Variants in C11orf65 observed in about 807,000 individuals in gnomAD.
The protein encoded by C11orf65 is chromosome 11 open reading frame 65.
In C11orf65, 38 loss-of-function variants were observed where a neutral mutation model predicts 35.3. That is an observed-to-expected ratio of 1.08 (90% confidence interval 0.83 to 1.41). The LOEUF (loss-of-function observed/expected upper bound fraction) is 1.41, where lower values mean the gene tolerates loss of function less well. C11orf65 is among the 40% of genes most tolerant of loss of function. The pLI is 0.00. For synonymous variants in C11orf65, 105 were observed against 114.4 expected (o/e 0.92, Z 0.53); for missense variants, 370 against 367.1 (o/e 1.01, Z -0.06).
intron 2 of C11orf65, among the ~76,000 whole-genome samples, chr11:108,354,082 C>T (rs1009528287): frequency 6.7e-6 from 1 of 150,298 alleles, no homozygotes; most frequent in African/African-American, 2.5e-5. Flanking sequence ...CACACACACA[C>T]ACACACACAC....
chr11:108,465,029 T>C (rs957667667), intron 1 of C11orf65, among the ~76,000 whole-genome samples: 28 of 152,186 alleles, frequency 1.8e-4, no homozygotes, highest in African/African-American at 5.8e-4. Flanking sequence ...TTTTAATACT[T>C]TCCAAGAACT....
intron 2 of C11orf65, among the ~76,000 whole-genome samples, chr11:108,460,844 G>A (rs2093465544): frequency 6.6e-6 from 1 of 152,016 alleles, no homozygotes; most frequent in African/African-American, 2.4e-5. Flanking sequence ...TTCTGCCTCA[G>A]CCTCCCGTGT....
At chr11:108,347,216 T>C in intron 2 of C11orf65, 1 of 1,234,560 alleles carries the variant, frequency 8.1e-7, no homozygotes, top group East Asian at 2.3e-5. Flanking sequence ...ATTGAAATTA[T>C]GGCTATATAT....
chr11:108,360,600 G>C (rs945502580), intron 2 of C11orf65, among the ~76,000 whole-genome samples: 2 of 149,210 alleles, frequency 1.3e-5, no homozygotes, highest in African/African-American at 5.0e-5. Context: ...TATCCACCAT[G>C]ATCCAGTGGG....
chr11:108,468,109 G>C (rs151261228), upstream of C11orf65, among the ~76,000 whole-genome samples: 2,141 of 152,272 alleles, frequency 0.014, 48 homozygotes, highest in Non-Finnish European at 0.014. Context: ...GCCTCCCAAA[G>C]TGCTAGGATT....
chr11:108,355,157 A>G (rs2089743890), intron 2 of C11orf65: 3 of 419,684 alleles, frequency 7.1e-6, no homozygotes, highest in East Asian at 4.5e-5. Flanking sequence ...GATATTCCAT[A>G]TGGTATTATT....
intron 2 of C11orf65, chr11:108,343,422 T>A (rs2136958781): frequency 6.2e-7 from 1 of 1,603,064 alleles, no homozygotes; most frequent in Non-Finnish European, 8.5e-7. Context: ...TAATGGCTTA[T>A]TAAAGCTGAC....
intron 2 of C11orf65, chr11:108,369,140 TTC>T: frequency 6.2e-6 from 1 of 160,516 alleles, no homozygotes; most frequent in East Asian, 1.5e-4. Flanking sequence ...TATTTGTGTG[TTC>T]TGTGTGCCAG....
At chr11:108,467,265 T>C (rs2135824641) in intron 1 of C11orf65, among the ~76,000 whole-genome samples, 1 of 152,120 alleles carries the variant, frequency 6.6e-6, no homozygotes, top group African/African-American at 2.4e-5. Flanking sequence ...AAGGGGTTAC[T>C]CCCGGGCAGG....
chr11:108,356,049 C>A (rs1591320934), intron 2 of C11orf65: 1 of 152,068 alleles, frequency 6.6e-6, no homozygotes, highest in Admixed American at 6.5e-5. Flanking sequence ...ATTCTTTTTT[C>A]TTTTACCGAT....
At chr11:108,319,087 G>A (rs1037153982) in intron 6 of C11orf65, among the ~76,000 whole-genome samples, 8 of 151,622 alleles carry the variant, frequency 5.3e-5, no homozygotes, top group African/African-American at 1.9e-4. Flanking sequence ...TGAGGTGAGG[G>A]GATCCCTTGA....
intron 1 of C11orf65, among the ~76,000 whole-genome samples, chr11:108,465,977 C>T (rs1591631690): frequency 1.5e-5 from 2 of 134,246 alleles, no homozygotes; most frequent in Non-Finnish European, 3.1e-5. Flanking sequence ...GAGTGAAACT[C>T]GGTCTAAAAA....
At chr11:108,432,970 T>C (rs189169747) in intron 2 of C11orf65, among the ~76,000 whole-genome samples, 62 of 152,284 alleles carry the variant, frequency 4.1e-4, no homozygotes, top group Admixed American at 9.8e-4. Flanking sequence ...ACAGGGGAGT[T>C]CTGCTGGTCT....
At chr11:108,321,254 A>G in intron 6 of C11orf65, 2 of 1,611,384 alleles carry the variant, frequency 1.2e-6, no homozygotes, top group South Asian at 1.1e-5. Context: ...TATTTCCCTG[A>G]AAACCTCTTC....
At chr11:108,362,512 C>T (rs1364049922) in intron 2 of C11orf65, among the ~76,000 whole-genome samples, 53 of 148,952 alleles carry the variant, frequency 3.6e-4, no homozygotes, top group East Asian at 3.0e-3. Flanking sequence ...ATGTTTATTG[C>T]GGCATTATTC....
At chr11:108,369,069 A>G (rs1359130012) in intron 2 of C11orf65, 1 of 173,754 alleles carries the variant, frequency 5.8e-6, no homozygotes, top group Non-Finnish European at 1.2e-5. Flanking sequence ...AATTTATTAT[A>G]AAGTGTTTTT....
upstream of C11orf65, among the ~76,000 whole-genome samples, chr11:108,469,007 G>T (rs1049959467): frequency 6.6e-6 from 1 of 151,890 alleles, no homozygotes; most frequent in African/African-American, 2.4e-5. Context: ...ATGATACCCG[G>T]CTAATTTTTT....
At chr11:108,468,045 T>C (rs1396410456), upstream of C11orf65, among the ~76,000 whole-genome samples, 1 of 152,122 alleles carries the variant, frequency 6.6e-6, no homozygotes, top group Non-Finnish European at 1.5e-5. Flanking sequence ...TTGTCCAGGC[T>C]GGTCTTGAAC....
intron 2 of C11orf65, among the ~76,000 whole-genome samples, chr11:108,450,141 T>C (rs2093326363): frequency 6.6e-6 from 1 of 151,916 alleles, no homozygotes. Flanking sequence ...CAACAGGTGC[T>C]GGAGAGGATG....
Sources: allele counts gnomAD v4.1 joint callset (sites outside exome capture counted in the v4.1 genomes callset), GRCh38; gene constraint gnomAD v4.1.1; transcripts MANE v1.5; gene names NCBI Gene and HGNC (gene_info 2026-07-23, HGNC 2026-07-21).